SLC19A3: variants seen among roughly 807,000 people sequenced by gnomAD.
The protein encoded by SLC19A3 is thiamine transporter 2.
A neutral mutation model predicts 40.2 loss-of-function variants in SLC19A3; 31 were observed. The observed-to-expected ratio is 0.77, with a 90% CI of 0.58 to 1.04. The LOEUF (loss-of-function observed/expected upper bound fraction) is 1.04, where lower values mean the gene tolerates loss of function less well. Ranked by LOEUF, SLC19A3 falls within the 50% of genes least tolerant of loss-of-function variation. SLC19A3 has a pLI of 0.00. For missense variants in SLC19A3, 592 were observed against 596.7 expected, an observed-to-expected ratio of 0.99 and a Z score of 0.08; for synonymous variants, 212 against 227.5, an observed-to-expected ratio of 0.93 and a Z score of 0.61.
chr2:227,713,736 T>C lies in SLC19A3; in HGVS notation c.-3+4207A>G, dbSNP rs180880013. Among the ~76,000 whole-genome samples, 8 of 152,004 alleles carry C rather than the reference T, an allele frequency of 5.3e-5. No individual in the cohort carries two copies. The East Asian group carries it at 1.4e-3, about 26-fold the overall frequency. On this transcript the variant is annotated intron_variant, in intron 1 of 5. Coordinates refer to ENST00000644224, the MANE Select transcript of SLC19A3 (RefSeq NM_025243.4). ...TTCTAAATTTCCCACGTTCAGGTAT[T>C]GTTATAAGCAACAGAAAACAGATTA...
At chr2:227,691,108 C>A (rs1480341110) in intron 4 of SLC19A3, among the ~76,000 whole-genome samples, 2 of 151,986 alleles carry the variant, frequency 1.3e-5, no homozygotes, top group African/African-American at 4.8e-5. Flanking sequence ...TAGAAATCAA[C>A]AACAAGAGGA....
chr2:227,713,867 A>G (rs1183576093), intron 1 of SLC19A3, among the ~76,000 whole-genome samples: 3 of 152,158 alleles, frequency 2.0e-5, no homozygotes, highest in Non-Finnish European at 2.9e-5. Flanking sequence ...TATCCTGTGT[A>G]CAAGAATCCA....
rs55683694 is a variant in SLC19A3 at position 227,703,884 on chromosome 2, T to C, written c.-2-1564A>G. On this transcript the variant is annotated intron_variant, in intron 1 of 5. Transcript: ENST00000644224. The surrounding 1 kb of genome is among the most constrained non-coding windows in gnomAD (Gnocchi z 4.7). ...GAGACCTAGGACTATGCCACAGTGA[T>C]CCACAGGCTGCTAAAAGCCTGCTGG... Among the ~76,000 whole-genome samples the C allele has an allele frequency of 0.35, 53,610 of 152,016 alleles. 9,718 individuals carry two copies. The highest frequency in any genetic ancestry group is 0.47 in the Middle Eastern group (138 of 292).
At chr2:227,708,736 A>G (rs1393149108) in intron 1 of SLC19A3, among the ~76,000 whole-genome samples, 4 of 152,214 alleles carry the variant, frequency 2.6e-5, no homozygotes, top group Admixed American at 6.5e-5. Context: ...TGACTGCAAG[A>G]TAAGTTCATT....
At position 227,687,559 on chromosome 2, in the gene SLC19A3, C is replaced by G; in HGVS notation, c.1329G>C (p.Gly443=). 6.2e-7 allele frequency: 1 copy of G among 1,613,800 alleles called. No individual in the cohort carries two copies. The highest frequency in any genetic ancestry group is 8.5e-7 in the Non-Finnish European group (1 of 1,179,902). The change falls in exon 6 of 6, where the codon GGG becomes GGC. Residue 443 remains glycine, a synonymous_variant. Transcript: ENST00000644224. ...TTCCAGCAATTACTGCAAAATAGCT[C>G]CCATAAACTAAAAACTGGAGAAAAA... ...LPVSIQFLVY[G]SYFAVIAGIF...
intron 4 of SLC19A3, among the ~76,000 whole-genome samples, chr2:227,689,507 G>A (rs1695141399): frequency 6.6e-6 from 1 of 152,162 alleles, no homozygotes. Context: ...AGTATATCCA[G>A]TGAAAATATC....
chr2:227,716,867 T>C (rs1441077291), intron 1 of SLC19A3, among the ~76,000 whole-genome samples: 1 of 152,082 alleles, frequency 6.6e-6, no homozygotes, highest in African/African-American at 2.4e-5. Context: ...ACTAGGATAA[T>C]CTTATAAGAT....
intron 1 of SLC19A3, among the ~76,000 whole-genome samples, chr2:227,709,684 G>A (rs1326632412): frequency 6.6e-6 from 1 of 152,078 alleles, no homozygotes; most frequent in Non-Finnish European, 1.5e-5. Context: ...AGGGGACAAG[G>A]TGACCTGATG....
At chr2:227,702,363 C>A (rs751144695) in intron 1 of SLC19A3, 43 bp from the exon 2 acceptor site, 2 of 1,585,128 alleles carry the variant, frequency 1.3e-6, no homozygotes, top group Non-Finnish European at 1.7e-6. Flanking sequence ...GATGCTTATT[C>A]TTTTTAGCAT....
In SLC19A3 at chr2:227,699,305, T is replaced by C. The variant is rs780137522; in HGVS notation, c.410A>G (p.Gln137Arg). The change falls in exon 3 of 6, where the codon CAG (glutamine) becomes CGG (arginine). Residue 137 changes from glutamine (Q) to arginine (R), a missense_variant. Physicochemically the swap from Gln to Arg is conservative, Grantham distance 43 (BLOSUM62 1). Transcript: ENST00000644224. Reference protein sequence around the residue: ...IYSVVSPEHYQRVSGYCRSVT... With the variant: ...IYSVVSPEHYRRVSGYCRSVT... ...GCTCCTGCAGTAGCCGCTCACTCTC[T>C]GGTAGTGCTCGGGGCTGACCACGCT... 2 of 1,614,144 alleles carry C rather than the reference T, an allele frequency of 1.2e-6. No homozygotes were observed. The highest frequency in any genetic ancestry group is 1.3e-5 in the African/African-American group (1 of 75,030).
intron 3 of SLC19A3, among the ~76,000 whole-genome samples, chr2:227,696,362 G>A (rs555937579): frequency 1.6e-4 from 25 of 152,308 alleles, no homozygotes; most frequent in African/African-American, 5.3e-4. Context: ...GGCCAGAAAG[G>A]TTCCTAACCA....
intron 3 of SLC19A3, 125 bp from the exon 4 acceptor site, chr2:227,696,206 T>G (rs1695430503): frequency 1.1e-6 from 1 of 881,126 alleles, no homozygotes; most frequent in East Asian, 2.6e-5. Flanking sequence ...TTCACAAAAT[T>G]GTGTGATCGA....
At position 227,714,766 on chromosome 2, in the gene SLC19A3, G is replaced by A. The variant is rs370255476; in HGVS notation, c.-3+3177C>T. On this transcript the variant is annotated intron_variant, in intron 1 of 5. Coordinates refer to ENST00000644224, the MANE Select transcript of SLC19A3 (RefSeq NM_025243.4). ...GATCTTTCTGAAATACAAGTGATTA[G>A]AGAGATAAATACATGAATAACACCT... Among the ~76,000 whole-genome samples the A allele has an allele frequency of 9.8e-5, 14 of 142,678 alleles. No homozygotes were observed. The East Asian group carries it at 2.9e-3, about 30-fold the overall frequency. The allele number at this position is 142,678 out of a possible 152,430, so 93.6% of individuals were successfully genotyped here. A position where few individuals can be genotyped will look rare whatever the true frequency, so the allele number is the denominator to read the frequency against.
At chr2:227,696,447 A>C (rs1305986220) in intron 3 of SLC19A3, among the ~76,000 whole-genome samples, 2 of 152,174 alleles carry the variant, frequency 1.3e-5, no homozygotes, top group African/African-American at 2.4e-5. Flanking sequence ...GGATGAAATA[A>C]ATTCTCTGGG....
At chr2:227,716,787 A>G (rs534107261) in intron 1 of SLC19A3, among the ~76,000 whole-genome samples, 1 of 152,242 alleles carries the variant, frequency 6.6e-6, no homozygotes, top group East Asian at 1.9e-4. Context: ...ACACAACCTT[A>G]AAAGAGTGTT....
At chr2:227,712,179 G>A (rs572357900) in intron 1 of SLC19A3, among the ~76,000 whole-genome samples, 1 of 151,764 alleles carries the variant, frequency 6.6e-6, no homozygotes, top group Non-Finnish European at 1.5e-5. Context: ...TGAAGCAGGA[G>A]GGTCACTTGA....
chr2:227,688,484 G>C (rs1325416647), intron 4 of SLC19A3, among the ~76,000 whole-genome samples, 177 bp from the exon 5 acceptor site: 1 of 152,194 alleles, frequency 6.6e-6, no homozygotes, highest in African/African-American at 2.4e-5. Context: ...AAGTGTCTCT[G>C]TCTGGTAATC....
intron 1 of SLC19A3, among the ~76,000 whole-genome samples, chr2:227,705,595 T>G (rs1695900024): frequency 6.6e-6 from 1 of 152,156 alleles, no homozygotes; most frequent in Admixed American, 6.5e-5. Flanking sequence ...ATGGTTGAAG[T>G]AATTTACGTT....
At chr2:227,689,012 G>A (rs1327068988) in intron 4 of SLC19A3, among the ~76,000 whole-genome samples, 2 of 152,022 alleles carry the variant, frequency 1.3e-5, no homozygotes, top group African/African-American at 2.4e-5. Flanking sequence ...TCTCATACCA[G>A]CAGAACTGAT....
Sources: gnomAD v4.1 joint callset for allele counts (sites outside exome capture counted in the v4.1 genomes callset) on GRCh38, gnomAD v4.1.1 for gene constraint, Gnocchi (gnomAD v3.1) non-coding constraint, MANE v1.5 for transcripts, NCBI Gene and HGNC (gene_info 2026-07-23, HGNC 2026-07-21) for gene names.